The following FAH variants were observed in gnomAD, a reference collection of about 807,000 sequenced individuals.
The protein encoded by FAH is fumarylacetoacetase.
Under a neutral mutation model 55.8 loss-of-function variants are expected in FAH, and 47 were observed. The ratio of observed to expected loss-of-function variants is 0.84; its 90% confidence interval spans 0.67 to 1.07. The LOEUF is 1.07. Ranked by LOEUF, FAH falls within the 50% of genes least tolerant of loss-of-function variation. The pLI is 0.00. For synonymous variants in FAH, 199 were observed against 207.7 expected, an observed-to-expected ratio of 0.96 and a Z score of 0.36; for missense variants, 495 against 545.9, an observed-to-expected ratio of 0.91 and a Z score of 0.93.
At chr15:80,155,359 C>T (rs2041089250) in intron 1 of FAH, among the ~76,000 whole-genome samples, 1 of 152,092 alleles carries the variant, frequency 6.6e-6, no homozygotes, top group African/African-American at 2.4e-5. Flanking sequence ...GAGAGATTTA[C>T]AGATATTAAT....
upstream of FAH, chr15:80,152,967 C>T: frequency 1.7e-6 from 2 of 1,160,564 alleles, no homozygotes; most frequent in Non-Finnish European, 1.3e-6. Context: ...GGCAGGGGGG[C>T]GGGGCCGGGC....
rs2041155179 is a variant in FAH, at chr15:80,162,243, C to T, written c.365-3C>T. 1 of 1,613,004 alleles carries T rather than the reference C, an allele frequency of 6.2e-7. No individual in the cohort carries two copies. Among genetic ancestry groups the T allele is most frequent in the Non-Finnish European group, 8.5e-7 (1 of 1,179,002 alleles). On this transcript the variant is annotated splice_polypyrimidine_tract_variant and splice_region_variant and intron_variant, in intron 4 of 13. Transcript: ENST00000561421. ...TGGGATCTGTTGGGTCTTTCCTCTG[C>T]AGGAGACTACACAGACTTCTATTCC...
chr15:80,153,003 C>G lies in FAH; in HGVS notation c.-52C>G, dbSNP rs1269871188. 3.9e-6 allele frequency: 6 copies of G among 1,540,566 alleles called. No homozygotes were observed. The African/African-American group carries it at 6.8e-5, about 17-fold the overall frequency. On this transcript the variant is annotated 5_prime_UTR_variant, in exon 1 of 14. Transcript: ENST00000561421. Reference sequence around the variant, plus strand: ...CTGACCACAGCGGCCGAGTTCAGTCCTGCTCTCCGCACGCCACCTTAGGCC... The same window carrying G: ...CTGACCACAGCGGCCGAGTTCAGTCGTGCTCTCCGCACGCCACCTTAGGCC...
At chr15:80,185,328 C>T (rs768871012) in intron 13 of FAH, among the ~76,000 whole-genome samples, 5 of 152,112 alleles carry the variant, frequency 3.3e-5, no homozygotes, top group South Asian at 2.1e-4. Flanking sequence ...CAGTCCTGTG[C>T]GGTGGGCACT....
intron 5 of FAH, among the ~76,000 whole-genome samples, chr15:80,165,568 G>T (rs1479420192): frequency 6.6e-6 from 1 of 151,408 alleles, no homozygotes; most frequent in Non-Finnish European, 1.5e-5. Flanking sequence ...GGTGGCGGGC[G>T]CCTGTAGTCC....
At chr15:80,154,846 G>C (rs1010794408) in intron 1 of FAH, among the ~76,000 whole-genome samples, 2 of 152,168 alleles carry the variant, frequency 1.3e-5, no homozygotes, top group African/African-American at 4.8e-5. Context: ...GGTGTACAGG[G>C]GTGCTCTCTG....
intron 5 of FAH, chr15:80,166,995 T>C (rs1249620813): frequency 6.6e-6 from 1 of 152,178 alleles, no homozygotes; most frequent in Non-Finnish European, 1.5e-5. Context: ...GCATTTACTT[T>C]TGTGTAATGT....
chr15:80,181,310 C>T (rs2041329497), intron 13 of FAH, 151 bp downstream of exon 13: 2 of 649,222 alleles, frequency 3.1e-6, no homozygotes, highest in African/African-American at 1.8e-5. Context: ...TTCTGTCCTT[C>T]CCCACAGCTA....
In FAH at chr15:80,181,058, G is replaced by A. The variant is rs148473414; in HGVS notation, c.1079G>A (p.Gly360Asp). Residue 360 changes from glycine (G) to aspartate (D), a missense_variant, in exon 13 of 14, where the codon GGC (glycine) becomes GAC (aspartate). Gly to Asp is a moderately conservative substitution (Grantham distance 94, BLOSUM62 -1). Coordinates refer to ENST00000561421, the MANE Select transcript of FAH (RefSeq NM_000137.4). ...GTGATGAAGGAGCCAGAAAACTTCGGCTCCATGTTGGAACTGTCGTGGAAG... is the reference window on the plus strand; with the variant it reads ...GTGATGAAGGAGCCAGAAAACTTCGACTCCATGTTGGAACTGTCGTGGAAG... The part of the protein sequence containing the change: ...TISGPEPENF[G>D]SMLELSWKGT... 1.2e-6 allele frequency: 2 copies of A among 1,613,434 alleles called. No homozygotes were observed. Among genetic ancestry groups the A allele is most frequent in the African/African-American group, 2.7e-5 (2 of 74,902 alleles).
rs1300903267 is a variant in FAH at position 80,176,815 on chromosome 15, T to C, written c.914-722T>C. Reference sequence around the variant, plus strand: ...ATCCAGAAAGCACAGTGTCCAGAGATGTAGTCCTGCATTTGCAGTTCTGAT... The same window carrying C: ...ATCCAGAAAGCACAGTGTCCAGAGACGTAGTCCTGCATTTGCAGTTCTGAT... On this transcript the variant is annotated intron_variant, in intron 10 of 13. Transcript: ENST00000561421. Among the ~76,000 whole-genome samples the C allele has an allele frequency of 2.6e-5, 4 of 152,328 alleles. No homozygotes were observed. The South Asian group carries it at 8.3e-4, about 32-fold the overall frequency.
intron 2 of FAH, 88 bp downstream of exon 2, chr15:80,158,258 G>A (rs562133543): frequency 1.2e-5 from 12 of 961,976 alleles, no homozygotes; most frequent in African/African-American, 3.2e-5. Context: ...TTCCATTTCC[G>A]ATAGAGGTAA....
chr15:80,162,361 A>G (rs772437784), intron 5 of FAH, 25 bp downstream of exon 5: 3 of 1,573,600 alleles, frequency 1.9e-6, no homozygotes, highest in African/African-American at 1.4e-5. Context: ...AAATGTCTGC[A>G]TAAGTTCAAA....
intron 1 of FAH, 140 bp downstream of exon 1, chr15:80,153,275 G>A (rs77692007): frequency 2.9e-4 from 213 of 734,544 alleles, no homozygotes; most frequent in Non-Finnish European, 4.5e-4. Flanking sequence ...GATTCGTTCC[G>A]TGAGAGTGCC....
At chr15:80,167,259 C>G (rs1235969178) in intron 5 of FAH, 1 of 152,198 alleles carries the variant, frequency 6.6e-6, no homozygotes, top group African/African-American at 2.4e-5. Context: ...GTAAGGCCAT[C>G]TCCTCCTGAA....
chr15:80,172,377 T>C, intron 8 of FAH, 129 bp downstream of exon 8: 1 of 701,450 alleles, frequency 1.4e-6, no homozygotes, highest in Non-Finnish European at 2.5e-6. Context: ...AGAGTGGGGG[T>C]CTGGGTATCA....
downstream of FAH, chr15:80,186,734 C>T (rs2041374500): frequency 4.9e-6 from 1 of 205,742 alleles, no homozygotes; most frequent in African/African-American, 2.3e-5. Context: ...GTCAAAATTT[C>T]CTCTTCCTCT....
rs753155575 is a variant in FAH, at chr15:80,172,186, C to T, written c.644C>T (p.Pro215Leu). The T allele has an allele frequency of 2.0e-5, 32 of 1,613,942 alleles. No individual in the cohort carries two copies. Among genetic ancestry groups the T allele is most frequent in the South Asian group, 4.4e-5 (4 of 91,074 alleles). Residue 215 changes from proline (P) to leucine (L), a missense_variant, in exon 8 of 14, where the codon CCG becomes CTG. By Grantham distance (98) the Pro-to-Leu change is moderately conservative. Coordinates refer to ENST00000561421, the MANE Select transcript of FAH (RefSeq NM_000137.4). Reference sequence around the variant, plus strand: ...GGCCCTGGAAACAGATTGGGAGAGCCGATCCCCATTTCCAAGGCCCATGAG... The same window carrying T: ...GGCCCTGGAAACAGATTGGGAGAGCTGATCCCCATTTCCAAGGCCCATGAG... Reference protein sequence around the residue: ...FVGPGNRLGEPIPISKAHEHI... With the variant: ...FVGPGNRLGELIPISKAHEHI...
chr15:80,163,765 G>T (rs993447958), intron 5 of FAH: 2 of 152,148 alleles, frequency 1.3e-5, no homozygotes, highest in African/African-American at 4.8e-5. Flanking sequence ...TCACTTTCAT[G>T]CATCTATCCT....
chr15:80,177,273 C>T lies in FAH; in HGVS notation c.914-264C>T. 5.9e-6 allele frequency: 3 copies of T among 505,214 alleles called. No homozygotes were observed. In the South Asian group the frequency reaches 6.2e-5, roughly 11 times the overall value. The allele number at this position is 505,214 out of a possible 1,614,324, so 31.3% of individuals were successfully genotyped here. A position where few individuals can be genotyped will look rare whatever the true frequency, so the allele number is the denominator to read the frequency against. On this transcript the variant is annotated intron_variant, in intron 10 of 13. Coordinates refer to ENST00000561421, the MANE Select transcript of FAH (RefSeq NM_000137.4). ...TGTGTTAAGAAGGATTCTGAGGCTACATATGGACTCAGAGCAAACATGTGC... is the reference window on the plus strand; with the variant it reads ...TGTGTTAAGAAGGATTCTGAGGCTATATATGGACTCAGAGCAAACATGTGC...
Sources: gnomAD v4.1 joint callset for allele counts (sites outside exome capture counted in the v4.1 genomes callset) on GRCh38, gnomAD v4.1.1 for gene constraint, MANE v1.5 for transcripts, NCBI Gene and HGNC (gene_info 2026-07-23, HGNC 2026-07-21) for gene names.